SHTN1: variants seen among roughly 807,000 people sequenced by gnomAD.
SHTN1 encodes the protein shootin 1, also known as shootin-1.
SHTN1 carries 42 observed loss-of-function variants against 83.1 expected under a neutral mutation model. That is an observed-to-expected ratio of 0.51 (90% CI 0.39 to 0.65). SHTN1 has a LOEUF of 0.65. Ranked by LOEUF, SHTN1 falls within the 30% of genes least tolerant of loss-of-function variation. The pLI, the probability that SHTN1 is intolerant of heterozygous loss-of-function variation, is 0.00. For synonymous variants in SHTN1, 224 were observed against 247.7 expected, an observed-to-expected ratio of 0.90 and a Z score of 0.90; for missense variants, 622 against 737.8, an observed-to-expected ratio of 0.84 and a Z score of 1.82.
intron 2 of SHTN1, among the ~76,000 whole-genome samples, chr10:116,972,464 A>G (rs752653381): frequency 9.2e-5 from 14 of 152,204 alleles, no homozygotes; most frequent in Non-Finnish European, 8.8e-5. Context: ...AGAAATCCAA[A>G]CACCCACTTA....
chr10:117,111,911 C>T (rs1438423172), intron 1 of SHTN1, among the ~76,000 whole-genome samples: 1 of 152,100 alleles, frequency 6.6e-6, no homozygotes, highest in Non-Finnish European at 1.5e-5. Flanking sequence ...GTTGGGAAGA[C>T]CCAAACCAAG....
At chr10:117,044,893 C>A (rs962862377) in intron 2 of SHTN1, among the ~76,000 whole-genome samples, 4 of 152,092 alleles carry the variant, frequency 2.6e-5, no homozygotes, top group Non-Finnish European at 4.4e-5. Flanking sequence ...TGTTTCTGAG[C>A]AATTTGTGTC....
At chr10:116,919,420 T>C (rs996902466) in intron 12 of SHTN1, among the ~76,000 whole-genome samples, 4 of 152,182 alleles carry the variant, frequency 2.6e-5, no homozygotes, top group African/African-American at 9.6e-5. Context: ...AATCCCAAAA[T>C]AGCAATCTGG....
At chr10:116,937,462 T>C (rs1589823455) in intron 9 of SHTN1, among the ~76,000 whole-genome samples, 1 of 152,222 alleles carries the variant, frequency 6.6e-6, no homozygotes, top group African/African-American at 2.4e-5. Context: ...TTGAAAATTC[T>C]TGTCTTTAAG....
chr10:116,934,925 G>A (rs922532502), intron 9 of SHTN1, among the ~76,000 whole-genome samples: 3 of 152,104 alleles, frequency 2.0e-5, no homozygotes, highest in African/African-American at 7.2e-5. Flanking sequence ...TATTCTCTTT[G>A]TAGCAATGGT....
At chr10:117,098,656 C>A (rs1232009482) in intron 1 of SHTN1, among the ~76,000 whole-genome samples, 1 of 152,136 alleles carries the variant, frequency 6.6e-6, no homozygotes, top group African/African-American at 2.4e-5. Context: ...GAGCATCGAA[C>A]ATGATCATGA....
At chr10:116,907,714 C>T (rs1014060292) in intron 14 of SHTN1, among the ~76,000 whole-genome samples, 7 of 152,200 alleles carry the variant, frequency 4.6e-5, no homozygotes, top group Non-Finnish European at 7.4e-5. Context: ...TGGGAGGCAG[C>T]GGAGGGAGGG....
intron 1 of SHTN1, among the ~76,000 whole-genome samples, chr10:117,001,051 T>C (rs971266001): frequency 1.3e-5 from 2 of 152,064 alleles, no homozygotes; most frequent in African/African-American, 4.8e-5. Context: ...GCAAATTGTA[T>C]GATGTTTTGT....
chr10:117,112,778 G>A (rs1853786959), intron 1 of SHTN1, among the ~76,000 whole-genome samples: 1 of 152,130 alleles, frequency 6.6e-6, no homozygotes. Context: ...TAGCATATTA[G>A]CAAGAATGAA....
chr10:117,020,104 C>T (rs1272660366), intron 2 of SHTN1, among the ~76,000 whole-genome samples: 3 of 151,948 alleles, frequency 2.0e-5, no homozygotes, highest in Non-Finnish European at 4.4e-5. Context: ...AAAGAATAAA[C>T]TTAGTTCATA....
At chr10:116,924,504 G>A (rs1848670212) in intron 11 of SHTN1, among the ~76,000 whole-genome samples, 1 of 152,124 alleles carries the variant, frequency 6.6e-6, no homozygotes, top group East Asian at 1.9e-4. Context: ...TGAAGCATAA[G>A]CTGTAGACAT....
rs532290314 is a variant in SHTN1, at chr10:117,053,837, G to T, written c.-188-5327C>A. 5.9e-5 allele frequency among the ~76,000 whole-genome samples: 9 copies of T among 152,036 alleles called. No homozygotes were observed. The East Asian group carries it at 1.5e-3, about 26-fold the overall frequency. On this transcript the variant is annotated intron_variant, in intron 1 of 17. Transcript: ENST00000392901. Reference sequence around the variant, plus strand: ...GCAGCACTATTCACAATAATCAAAAGGTAGAAACAAACCAAATGTCCACCA... The same window carrying T: ...GCAGCACTATTCACAATAATCAAAATGTAGAAACAAACCAAATGTCCACCA...
At chr10:117,008,021 T>C (rs1040919184), upstream of SHTN1, among the ~76,000 whole-genome samples, 9 of 151,974 alleles carry the variant, frequency 5.9e-5, 1 homozygote, top group Non-Finnish European at 1.0e-4. Context: ...AATAATAATA[T>C]ACATAGTGAT....
chr10:116,946,685 A>G (rs1422847497), intron 7 of SHTN1, among the ~76,000 whole-genome samples: 1 of 145,474 alleles, frequency 6.9e-6, no homozygotes, highest in African/African-American at 2.5e-5. Flanking sequence ...TGATTTATAT[A>G]TATAATATAT....
At chr10:117,053,480 A>G (rs896278919) in intron 1 of SHTN1, among the ~76,000 whole-genome samples, 2 of 152,206 alleles carry the variant, frequency 1.3e-5, no homozygotes, top group African/African-American at 4.8e-5. Context: ...TCCAAAGATG[A>G]TATACAAATG....
At chr10:116,959,164 A>G (rs1850090353) in intron 4 of SHTN1, among the ~76,000 whole-genome samples, 1 of 152,210 alleles carries the variant, frequency 6.6e-6, no homozygotes, top group African/African-American at 2.4e-5. Flanking sequence ...ATGTGAGAAT[A>G]CCCATGTTAT....
intron 11 of SHTN1, 120 bp from the exon 12 acceptor site, chr10:116,921,636 G>A (rs774820788): frequency 9.7e-6 from 6 of 618,070 alleles, no homozygotes; most frequent in African/African-American, 3.7e-5. Context: ...AGTAGTCTAC[G>A]TTCCATTTTT....
At chr10:117,030,071 T>C (rs571354793) in intron 2 of SHTN1, among the ~76,000 whole-genome samples, 2 of 152,120 alleles carry the variant, frequency 1.3e-5, no homozygotes, top group East Asian at 1.9e-4. Flanking sequence ...GTATTTTTAG[T>C]AGAGACGGGG....
intron 3 of SHTN1, among the ~76,000 whole-genome samples, chr10:116,961,029 C>G (rs1349767509): frequency 6.6e-6 from 1 of 151,788 alleles, no homozygotes; most frequent in Non-Finnish European, 1.5e-5. Context: ...AGAAAAATGC[C>G]AATTCCTTCC....
Sources: gnomAD v4.1 joint callset for allele counts (sites outside exome capture counted in the v4.1 genomes callset) on GRCh38, gnomAD v4.1.1 for gene constraint, MANE v1.5 for transcripts, NCBI Gene and HGNC (gene_info 2026-07-23, HGNC 2026-07-21) for gene names.